The following CORO2B variants were observed in gnomAD, a reference collection of about 807,000 sequenced individuals.
CORO2B encodes coronin-2B.
Under a neutral mutation model 58.8 loss-of-function variants are expected in CORO2B, and 26 were observed. The ratio of observed to expected loss-of-function variants is 0.44; its 90% CI spans 0.32 to 0.61. CORO2B has a LOEUF of 0.61. CORO2B is among the 20% of genes least tolerant of loss of function. The pLI, the probability that CORO2B is intolerant of heterozygous loss-of-function variation, is 0.04. For missense variants in CORO2B, 460 were observed against 645.1 expected (o/e 0.71, Z 3.11); for synonymous variants, 242 against 253.8 (o/e 0.95, Z 0.44).
Position 68,644,445 on chromosome 15 carries a change from T to G in CORO2B, c.16-715T>G, listed in dbSNP as rs1001948725. Among the ~76,000 whole-genome samples the G allele has an allele frequency of 4.3e-4, 66 of 152,296 alleles. 1 individual carries two copies. The highest frequency in any genetic ancestry group is 2.1e-3 in the Admixed American group (32 of 15,298). Reference sequence around the variant, plus strand: ...TGATACAGGTGATCTGTGGGCCACATGCTGAGAAACCTTGCTCCAAAGGGT... The same window carrying G: ...TGATACAGGTGATCTGTGGGCCACAGGCTGAGAAACCTTGCTCCAAAGGGT... On this transcript the variant is annotated intron_variant, in intron 1 of 11. Transcript: ENST00000261861.
At chr15:68,545,438 T>C in the CORO2B span, among the ~76,000 whole-genome samples, 3 of 152,104 alleles carry the variant, frequency 2.0e-5, no homozygotes. Context: ...TTCTTTGAAT[T>C]GAGTTGTGTG....
At chr15:68,575,582 C>CCCCT (rs1566975519), upstream of CORO2B, among the ~76,000 whole-genome samples, 2 of 96,738 alleles carry the variant, frequency 2.1e-5, 1 homozygote, top group Non-Finnish European at 5.1e-5. Flanking sequence ...GATCTGCCCC[C>CCCCT]GCCTCGGCCT....
At position 68,589,902 on chromosome 15, in the gene CORO2B, C is replaced by T. The variant is rs539510290; in HGVS notation, c.15+10625C>T. On this transcript the variant is annotated intron_variant, in intron 1 of 11. Transcript: ENST00000261861. ...TTTCTGCTCAACCATCAGGCTGCGG[C>T]TGCCCAGGCCTGGCAGTGCATGCCC... Among the ~76,000 whole-genome samples, 174 of 152,328 alleles carry T rather than the reference C, an allele frequency of 1.1e-3. 6 individuals carry two copies. In the South Asian group the frequency reaches 0.035, roughly 31 times the overall value.
At chr15:68,579,328 C>T in intron 1 of CORO2B, 51 bp downstream of exon 1, 2 of 1,251,188 alleles carry the variant, frequency 1.6e-6, no homozygotes, top group Admixed American at 4.1e-5. Context: ...CCTGCATCCC[C>T]CGGGCTAGGC....
chr15:68,519,777 C>T, the CORO2B span, among the ~76,000 whole-genome samples: 15 of 152,232 alleles, frequency 9.9e-5, no homozygotes, highest in African/African-American at 3.1e-4. Context: ...TGGCTTTCAG[C>T]GTTTCTTCTT....
chr15:68,551,602 C>T, the CORO2B span, among the ~76,000 whole-genome samples: 1 of 152,142 alleles, frequency 6.6e-6, no homozygotes, highest in East Asian at 1.9e-4. Context: ...ATGTCATTTC[C>T]TTCTCCCACG....
intron 2 of CORO2B, among the ~76,000 whole-genome samples, chr15:68,674,312 T>G (rs530894627): frequency 2.6e-5 from 4 of 152,198 alleles, no homozygotes; most frequent in African/African-American, 9.6e-5. Context: ...TTCGGGACGG[T>G]GGGTAGTATA....
rs537894714 is a variant in CORO2B at position 68,719,270 on chromosome 15, C to A, written c.1171+36C>A. On this transcript the variant is annotated intron_variant, in intron 10 of 11. Transcript: ENST00000261861. The stretch of plus-strand genomic sequence containing the variant: ...GGGGGGCTCCACAGAGCACAGGCGG[C>A]TGCAGCCTTTGCCTTCAGCGCAGCT... 4.6e-5 allele frequency: 74 copies of A among 1,607,650 alleles called. No individual in the cohort carries two copies. The South Asian group carries it at 7.9e-4, about 17-fold the overall frequency.
chr15:68,665,446 G>A (rs915368189), intron 2 of CORO2B, among the ~76,000 whole-genome samples: 2 of 151,668 alleles, frequency 1.3e-5, no homozygotes, highest in South Asian at 2.1e-4. Flanking sequence ...TTTCTCAAAC[G>A]TAGTTGGCTC....
the CORO2B span, among the ~76,000 whole-genome samples, chr15:68,525,048 G>T: frequency 6.6e-6 from 1 of 152,144 alleles, no homozygotes; most frequent in Non-Finnish European, 1.5e-5. Context: ...ATTCCTCTCT[G>T]TCTTATATTT....
intron 2 of CORO2B, among the ~76,000 whole-genome samples, chr15:68,686,827 C>G (rs1002403660): frequency 6.6e-6 from 1 of 151,162 alleles, no homozygotes; most frequent in East Asian, 1.9e-4. Context: ...TGAACCCAGG[C>G]GGCGGAGGTC....
At chr15:68,538,445 G>T in the CORO2B span, among the ~76,000 whole-genome samples, 2 of 152,192 alleles carry the variant, frequency 1.3e-5, no homozygotes, top group African/African-American at 2.4e-5. Context: ...CCTCAGCTGC[G>T]GAGGGGCTGG....
chr15:68,575,119 C>T (rs190069083), upstream of CORO2B, among the ~76,000 whole-genome samples: 23 of 152,292 alleles, frequency 1.5e-4, no homozygotes, highest in East Asian at 4.2e-3. Flanking sequence ...TGCCCCAGGA[C>T]ATTCTCTGAA....
rs147905331 is a variant in CORO2B, at chr15:68,598,073, C to T, written c.15+18796C>T. On this transcript the variant is annotated intron_variant, in intron 1 of 11. Transcript: ENST00000261861. ...GATTTCTCCACCTTTTCTTCAGATC[C>T]AGACCCCCTCCACCACCTGGATCAT... Among the ~76,000 whole-genome samples the T allele has an allele frequency of 9.4e-3, 1,432 of 152,342 alleles. 24 individuals are homozygous for T. The highest frequency in any genetic ancestry group is 9.4e-3 in the Non-Finnish European group (639 of 68,034).
At chr15:68,569,429 G>T in the CORO2B span, among the ~76,000 whole-genome samples, 1 of 152,154 alleles carries the variant, frequency 6.6e-6, no homozygotes, top group African/African-American at 2.4e-5. Flanking sequence ...TTAGTGATAT[G>T]CATTTAAGGT....
chr15:68,519,154 T>A, the CORO2B span, among the ~76,000 whole-genome samples: 3 of 152,030 alleles, frequency 2.0e-5, no homozygotes, highest in African/African-American at 7.2e-5. Flanking sequence ...GGCAAACACA[T>A]CCTGTGGGCA....
intron 8 of CORO2B, among the ~76,000 whole-genome samples, 187 bp downstream of exon 8, chr15:68,715,498 AC>A (rs938266413): frequency 1.1e-4 from 17 of 152,172 alleles, no homozygotes; most frequent in African/African-American, 3.9e-4. Context: ...CGGCGCTGTC[AC>A]CCCACTGTGC....
chr15:68,526,837 C>T, the CORO2B span, among the ~76,000 whole-genome samples: 11 of 152,252 alleles, frequency 7.2e-5, no homozygotes, highest in East Asian at 1.5e-3. Context: ...GTTCTGTTTT[C>T]GACAGAATCA....
At chr15:68,547,689 A>G in the CORO2B span, among the ~76,000 whole-genome samples, 1 of 152,130 alleles carries the variant, frequency 6.6e-6, no homozygotes, top group African/African-American at 2.4e-5. Context: ...AAAGTCCTCT[A>G]TCTCCTTCCT....
Sources: allele counts gnomAD v4.1 joint callset (sites outside exome capture counted in the v4.1 genomes callset), GRCh38; gene constraint gnomAD v4.1.1; transcripts MANE v1.5; gene names NCBI Gene and HGNC (gene_info 2026-07-23, HGNC 2026-07-21).